Variants in LMO7 observed in about 807,000 individuals in gnomAD.
LMO7 encodes LIM domain 7, also known as LIM domain only protein 7.
LMO7 carries 120 observed loss-of-function variants against 206.5 expected under a neutral mutation model. The ratio of observed to expected loss-of-function variants is 0.58; its 90% CI spans 0.50 to 0.68. LMO7 has a LOEUF of 0.68. Ranked by LOEUF, LMO7 falls within the 30% of genes least tolerant of loss-of-function variation. The pLI, the probability that LMO7 is intolerant of heterozygous loss-of-function variation, is 0.00. For missense variants in LMO7, 1,959 were observed against 1,957.9 expected (o/e 1.00, Z -0.01); for synonymous variants, 706 against 681.5 (o/e 1.04, Z -0.56).
chr13:75,851,814 A>G (rs2060523832), intron 27 of LMO7, among the ~76,000 whole-genome samples: 2 of 152,332 alleles, frequency 1.3e-5, no homozygotes, highest in South Asian at 4.1e-4. Context: ...TGTGGACATT[A>G]AACAGTTGCT....
chr13:75,844,655 C>T (rs935410206), intron 25 of LMO7, among the ~76,000 whole-genome samples: 20 of 152,138 alleles, frequency 1.3e-4, no homozygotes, highest in Admixed American at 9.8e-4. Context: ...GTGATCCTCC[C>T]GCCTCAGCCT....
At chr13:75,639,078 A>G (rs2036256551) in intron 1 of LMO7, among the ~76,000 whole-genome samples, 1 of 152,066 alleles carries the variant, frequency 6.6e-6, no homozygotes, top group South Asian at 2.1e-4. Flanking sequence ...CCCAAAGTCA[A>G]CTCCAATAAC....
rs546268023 is a variant in LMO7 at position 75,638,269 on chromosome 13, T to C, written c.69+1543T>C. ...ATAGGAATGATTCCACACCCTTCCC[T>C]TTTTTTTTAGTATGCACATTTTGGA... On this transcript the variant is annotated intron_variant, in intron 1 of 30. Transcript: ENST00000377534. 3.3e-5 allele frequency among the ~76,000 whole-genome samples: 5 copies of C among 151,020 alleles called. No individual in the cohort carries two copies. The East Asian group carries it at 7.7e-4, about 23-fold the overall frequency.
intron 4 of LMO7, among the ~76,000 whole-genome samples, chr13:75,784,163 T>C (rs1038589198): frequency 1.3e-5 from 2 of 152,176 alleles, no homozygotes; most frequent in Admixed American, 6.5e-5. Context: ...CAATGCATAG[T>C]ACAGTTTCCC....
Position 75,823,794 on chromosome 13 carries a change from C to T in LMO7, c.2870C>T (p.Ser957Phe). Residue 957 changes from serine (S) to phenylalanine (F), a missense_variant, in exon 15 of 31, where the codon TCT (serine) becomes TTT (phenylalanine). By Grantham distance (155) the Ser-to-Phe change is radical (BLOSUM62 -2). Coordinates refer to ENST00000377534, the MANE Select transcript of LMO7 (RefSeq NM_001306080.2). ...DQAATSKATLSSTSGLDLMSE... is the reference protein window; with the variant it reads ...DQAATSKATLFSTSGLDLMSE... ...GCTGCCACTTCTAAAGCCACATTGT[C>T]TTCCACATCTGGTCTTGATTTAATG... 2 of 1,614,128 alleles carry T rather than the reference C, an allele frequency of 1.2e-6. No homozygotes were observed. Among genetic ancestry groups the T allele is most frequent in the Non-Finnish European group, 8.5e-7 (1 of 1,179,968 alleles).
chr13:75,810,840 A>G (rs575787773), intron 11 of LMO7, among the ~76,000 whole-genome samples: 16 of 152,230 alleles, frequency 1.1e-4, no homozygotes, highest in Non-Finnish European at 1.9e-4. Flanking sequence ...TGAGTTAGAG[A>G]AGAAGACAGA....
chr13:75,783,057 A>G (rs146002813), intron 4 of LMO7, among the ~76,000 whole-genome samples: 3 of 152,342 alleles, frequency 2.0e-5, no homozygotes, highest in Admixed American at 2.0e-4. Flanking sequence ...GGAACAAAGA[A>G]TTCAAAATGG....
Position 75,823,632 on chromosome 13 carries a change from G to A in LMO7, c.2708G>A (p.Ser903Asn), listed in dbSNP as rs962289502. ...DIKRTPNNVV[S>N]TPAPSPDASQ... The stretch of plus-strand genomic sequence containing the variant: ...AAGAGAACTCCAAACAATGTGGTCA[G>A]CACCCCTGCACCAAGCCCGGACGCA... Residue 903 changes from serine to asparagine, a missense_variant, in exon 15 of 31, where the codon AGC (serine) becomes AAC (asparagine). Coordinates refer to ENST00000377534, the MANE Select transcript of LMO7 (RefSeq NM_001306080.2). The A allele has an allele frequency of 6.2e-7, 1 of 1,613,976 alleles. No individual in the cohort carries two copies. The highest frequency in any genetic ancestry group is 1.3e-5 in the African/African-American group (1 of 74,926).
In LMO7 at chr13:75,821,618, T is replaced by C; in HGVS notation, c.2640+9T>C. 3 of 1,601,652 alleles carry C rather than the reference T, an allele frequency of 1.9e-6. No individual in the cohort carries two copies. Among genetic ancestry groups the C allele is most frequent in the Non-Finnish European group, 2.6e-6 (3 of 1,172,196 alleles). ...TCCCCAGATCTTACACGGTAAAAAATGTTCTCGGTTCATTTAGTCTGTTCT... is the reference window on the plus strand; with the variant it reads ...TCCCCAGATCTTACACGGTAAAAAACGTTCTCGGTTCATTTAGTCTGTTCT... On this transcript the variant is annotated intron_variant, in intron 14 of 30. Coordinates refer to ENST00000377534, the MANE Select transcript of LMO7 (RefSeq NM_001306080.2).
intron 20 of LMO7, chr13:75,839,727 CTTTT>C (rs35308084): frequency 6.3e-4 from 92 of 145,572 alleles, no homozygotes; most frequent in Non-Finnish European, 9.1e-4. Flanking sequence ...ATTTGAAATT[CTTTT>C]TTTTTTTTTT....
intron 7 of LMO7, among the ~76,000 whole-genome samples, 173 bp downstream of exon 7, chr13:75,801,055 G>T (rs1441130403): frequency 1.3e-5 from 2 of 152,004 alleles, no homozygotes; most frequent in Non-Finnish European, 2.9e-5. Flanking sequence ...CTTCATGATG[G>T]TGATAGTTTC....
Position 75,707,455 on chromosome 13 carries a change from A to G in LMO7, c.70-5727A>G, listed in dbSNP as rs76058947. Among the ~76,000 whole-genome samples the G allele has an allele frequency of 9.4e-3, 1,425 of 152,136 alleles. 23 individuals carry two copies. Among genetic ancestry groups the G allele is most frequent in the East Asian group, 0.055 (284 of 5,160 alleles). On this transcript the variant is annotated intron_variant, in intron 1 of 30. Transcript: ENST00000377534. ...TTTATGGCTATATCATAATATAATC[A>G]AGTTCTTATTGCTGGGCATTCAGGT...
chr13:75,721,453 C>T (rs1172139058), intron 2 of LMO7, among the ~76,000 whole-genome samples: 1 of 152,142 alleles, frequency 6.6e-6, no homozygotes, highest in Non-Finnish European at 1.5e-5. Flanking sequence ...GCTGCTGATC[C>T]CAGCACATTG....
rs553412091 is a variant in LMO7, at chr13:75,720,874, T to C, written c.141-6155T>C. On this transcript the variant is annotated intron_variant, in intron 2 of 30. Coordinates refer to ENST00000377534, the MANE Select transcript of LMO7 (RefSeq NM_001306080.2). ...TTCTAGAAATTAACATCAATTTTAC[T>C]AGCAATCTTTGAAAATATTAAAGTT... Among the ~76,000 whole-genome samples the C allele has an allele frequency of 3.3e-5, 5 of 152,360 alleles. No homozygotes were observed. In the South Asian group the frequency reaches 1.0e-3, roughly 32 times the overall value.
At chr13:75,695,436 TC>T (rs2041826860) in intron 1 of LMO7, among the ~76,000 whole-genome samples, 1 of 152,166 alleles carries the variant, frequency 6.6e-6, no homozygotes, top group Non-Finnish European at 1.5e-5. Flanking sequence ...AACCTCCGCC[TC>T]CCGGGTTCAA....
intron 6 of LMO7, among the ~76,000 whole-genome samples, chr13:75,799,442 T>C (rs1012930355): frequency 6.6e-6 from 1 of 152,092 alleles, no homozygotes; most frequent in African/African-American, 2.4e-5. Context: ...ACTGCAGATG[T>C]ATTTCTCCCC....
chr13:75,804,215 G>A (rs2055146823), intron 7 of LMO7, 74 bp from the exon 8 acceptor site: 1 of 1,471,450 alleles, frequency 6.8e-7, no homozygotes, highest in Non-Finnish European at 9.2e-7. Context: ...GAAAGACAAA[G>A]CAGGCGCGCT....
rs868091124 is a variant in LMO7, at chr13:75,773,630, G to A, written c.317+12592G>A. Among the ~76,000 whole-genome samples the A allele has an allele frequency of 3.9e-5, 6 of 152,188 alleles. No homozygotes were observed. In the South Asian group the frequency reaches 8.3e-4, roughly 21 times the overall value. ...CCAAGTGAAGGAGAAAGAAGAGTTA[G>A]CGTTTGAGCTGTGCAACCATTAAAA... On this transcript the variant is annotated intron_variant, in intron 4 of 30. Coordinates refer to ENST00000377534, the MANE Select transcript of LMO7 (RefSeq NM_001306080.2).
chr13:75,786,850 G>C (rs1467399613), intron 4 of LMO7, among the ~76,000 whole-genome samples: 1 of 152,060 alleles, frequency 6.6e-6, no homozygotes, highest in Non-Finnish European at 1.5e-5. Context: ...TACGTTAAGT[G>C]TTTGACACTT....
Sources: allele counts gnomAD v4.1 joint callset (sites outside exome capture counted in the v4.1 genomes callset), GRCh38; gene constraint gnomAD v4.1.1; transcripts MANE v1.5; gene names NCBI Gene and HGNC (gene_info 2026-07-23, HGNC 2026-07-21).